Variants in EYA2 observed in about 807,000 individuals in gnomAD.
The protein encoded by EYA2 is EYA transcriptional coactivator and phosphatase 2, also known as protein phosphatase EYA2.
Under a neutral mutation model 69.2 loss-of-function variants are expected in EYA2, and 31 were observed. The observed-to-expected ratio is 0.45, with a 90% confidence interval of 0.34 to 0.60. The LOEUF is 0.60. Among genes scored for constraint, EYA2 ranks in the 20% least tolerant of loss-of-function variants. The probability of loss-of-function intolerance (pLI) is 0.02; values close to 1 mark genes in which losing one functional copy is unlikely to be tolerated. For missense variants in EYA2, 622 were observed against 701.2 expected (o/e 0.89, Z 1.28); for synonymous variants, 257 against 279.4 (o/e 0.92, Z 0.80).
intron 5 of EYA2, among the ~76,000 whole-genome samples, chr20:47,058,332 T>G (rs1301719188): frequency 6.6e-6 from 1 of 152,226 alleles, no homozygotes; most frequent in East Asian, 1.9e-4. Context: ...GAACCACCTA[T>G]GGACGGGGCA....
At chr20:47,125,574 A>G (rs1050317942) in intron 9 of EYA2, among the ~76,000 whole-genome samples, 5 of 152,216 alleles carry the variant, frequency 3.3e-5, no homozygotes, top group African/African-American at 9.6e-5. Context: ...AATTAAACCC[A>G]ATTAAAACCA....
At chr20:46,898,178 T>G (rs1002481938) in intron 1 of EYA2, among the ~76,000 whole-genome samples, 6 of 151,552 alleles carry the variant, frequency 4.0e-5, no homozygotes. Flanking sequence ...GTCTGTTACC[T>G]CCAAAGGCTG....
At chr20:47,130,016 C>G (rs1204640743) in intron 9 of EYA2, among the ~76,000 whole-genome samples, 1 of 151,728 alleles carries the variant, frequency 6.6e-6, no homozygotes, top group Non-Finnish European at 1.5e-5. Flanking sequence ...TGCATGTCCC[C>G]CTCCAACCCC....
chr20:46,901,153 C>A (rs940407346), intron 1 of EYA2: 1 of 152,192 alleles, frequency 6.6e-6, no homozygotes, highest in African/African-American at 2.4e-5. Flanking sequence ...AAATTCTGGT[C>A]TCCTCCCCAT....
chr20:47,185,154 C>T (rs1052476611), intron 15 of EYA2, among the ~76,000 whole-genome samples: 7 of 152,142 alleles, frequency 4.6e-5, no homozygotes, highest in African/African-American at 1.7e-4. Context: ...GATTTGTCTC[C>T]ACCTCTTCAC....
chr20:46,947,028 C>T (rs1978499504), intron 1 of EYA2, among the ~76,000 whole-genome samples: 1 of 152,174 alleles, frequency 6.6e-6, no homozygotes, highest in Non-Finnish European at 1.5e-5. Context: ...GCTGCTTTCC[C>T]ACTACAACAG....
chr20:46,960,255 C>T (rs1287718220), intron 1 of EYA2, among the ~76,000 whole-genome samples: 2 of 152,066 alleles, frequency 1.3e-5, no homozygotes, highest in Non-Finnish European at 2.9e-5. Context: ...TATTATTATC[C>T]CCATTTTACA....
intron 1 of EYA2, among the ~76,000 whole-genome samples, chr20:46,967,028 T>A (rs1031198408): frequency 7.2e-5 from 11 of 152,210 alleles, no homozygotes; most frequent in African/African-American, 2.7e-4. Flanking sequence ...AGTCTTACTC[T>A]GTCACCCATG....
rs781719847 is a variant in EYA2, at chr20:47,089,392, G to A, written c.804+11G>A. ...GACAATGAGATTGAGGTAATCCAAA[G>A]GGGCTCTGTGTGACCTGGTGAATGT... is the stretch of plus-strand genomic sequence containing the variant. On this transcript the variant is annotated intron_variant, in intron 8 of 15. Transcript: ENST00000327619. The A allele has an allele frequency of 6.2e-7, 1 of 1,608,224 alleles. No individual in the cohort carries two copies. The highest frequency in any genetic ancestry group is 1.7e-5 in the Admixed American group (1 of 58,876).
chr20:47,161,283 G>A, intron 10 of EYA2: 1 of 537,352 alleles, frequency 1.9e-6, no homozygotes, highest in South Asian at 1.6e-5. Context: ...CGGATGGCGT[G>A]GCCACCTCCT....
chr20:47,097,886 G>A (rs986227871), intron 9 of EYA2, among the ~76,000 whole-genome samples: 7 of 152,216 alleles, frequency 4.6e-5, no homozygotes, highest in African/African-American at 1.7e-4. Flanking sequence ...TGGAAGGGCA[G>A]TACTTAAGAC....
intron 1 of EYA2, among the ~76,000 whole-genome samples, chr20:46,940,150 T>A (rs1986092202): frequency 6.6e-6 from 1 of 152,158 alleles, no homozygotes; most frequent in Non-Finnish European, 1.5e-5. Flanking sequence ...TTCACTCAAA[T>A]TTAAAAACAT....
chr20:47,103,330 G>A lies in EYA2; in HGVS notation c.888+6162G>A, dbSNP rs551529545. Among the ~76,000 whole-genome samples the A allele has an allele frequency of 4.6e-5, 7 of 152,122 alleles. No individual in the cohort carries two copies. The South Asian group carries it at 1.5e-3, about 32-fold the overall frequency. On this transcript the variant is annotated intron_variant, in intron 9 of 15. Coordinates refer to ENST00000327619, the MANE Select transcript of EYA2 (RefSeq NM_005244.5). ...CTTTCTCTACAGATTTGCCTCTTCTGGATATTTCATATAAAGGGAATCACA... is the reference window on the plus strand; with the variant it reads ...CTTTCTCTACAGATTTGCCTCTTCTAGATATTTCATATAAAGGGAATCACA...
chr20:47,183,193 G>A, intron 14 of EYA2, 98 bp from the exon 15 acceptor site: 1 of 1,090,132 alleles, frequency 9.2e-7, no homozygotes, highest in South Asian at 1.4e-5. Flanking sequence ...GGGCCTTTGG[G>A]AGCACAGCTG....
chr20:46,932,232 G>A (rs34423813), intron 1 of EYA2, among the ~76,000 whole-genome samples: 2,614 of 152,076 alleles, frequency 0.017, 27 homozygotes, highest in Non-Finnish European at 0.024. Flanking sequence ...GGCTCAGTCC[G>A]TCTACTTCCT....
intron 15 of EYA2, among the ~76,000 whole-genome samples, chr20:47,184,358 T>C (rs1405481169): frequency 6.6e-6 from 1 of 150,944 alleles, no homozygotes; most frequent in East Asian, 1.9e-4. Context: ...ATTGCTAACA[T>C]CATCATTGTA....
intron 10 of EYA2, among the ~76,000 whole-genome samples, chr20:47,166,431 AG>A (rs1335781455): frequency 2.7e-4 from 32 of 118,582 alleles, no homozygotes; most frequent in Admixed American, 8.5e-4. Flanking sequence ...AAAAAAAAAA[AG>A]CTTTTTGCTT....
At chr20:46,918,572 G>T (rs965021284) in intron 1 of EYA2, among the ~76,000 whole-genome samples, 1 of 152,144 alleles carries the variant, frequency 6.6e-6, no homozygotes, top group African/African-American at 2.4e-5. Flanking sequence ...CTCCCAAAGT[G>T]CTGGGATACA....
Position 47,097,039 on chromosome 20 carries a change from C to T in EYA2, c.805-46C>T, listed in dbSNP as rs75792280. 3,419 of 1,365,284 alleles carry T rather than the reference C, an allele frequency of 2.5e-3. 84 individuals carry two copies. The African/African-American group carries it at 0.044, about 17-fold the overall frequency. The allele number at this position is 1,365,284 out of a possible 1,614,324, so 84.6% of individuals were successfully genotyped here. On this transcript the variant is annotated intron_variant, in intron 8 of 15. Transcript: ENST00000327619. ...ATTTCTGCAGACATTAAGTCAGATG[C>T]ACGTGAGTCCATTTTTCTCCATTCT...
Sources: allele counts gnomAD v4.1 joint callset (sites outside exome capture counted in the v4.1 genomes callset), GRCh38; gene constraint gnomAD v4.1.1; transcripts MANE v1.5; gene names NCBI Gene and HGNC (gene_info 2026-07-23, HGNC 2026-07-21).